Variants in FGGY observed in about 807,000 individuals in gnomAD.
FGGY encodes the protein FGGY carbohydrate kinase domain-containing protein.
A neutral mutation model predicts 71.3 loss-of-function variants in FGGY; 72 were observed. The observed-to-expected ratio is 1.01, with a 90% CI of 0.84 to 1.23. The LOEUF (loss-of-function observed/expected upper bound fraction) is 1.23. Ranked by LOEUF, FGGY falls within the 50% of genes most tolerant of loss-of-function variation. FGGY has a pLI of 0.00. For synonymous variants in FGGY, 251 were observed against 250.3 expected, an observed-to-expected ratio of 1.00 and a Z score of -0.02; for missense variants, 668 against 682.3, an observed-to-expected ratio of 0.98 and a Z score of 0.23.
At chr1:59,743,406 A>G (rs1157447968) in intron 14 of FGGY, among the ~76,000 whole-genome samples, 1 of 152,206 alleles carries the variant, frequency 6.6e-6, no homozygotes, top group Non-Finnish European at 1.5e-5. Flanking sequence ...CTCTATCCAT[A>G]TTGTGTAGCA....
chr1:59,618,905 T>C (rs1409166466), intron 9 of FGGY, among the ~76,000 whole-genome samples: 1 of 152,090 alleles, frequency 6.6e-6, no homozygotes, highest in Non-Finnish European at 1.5e-5. Context: ...CCACTAATTA[T>C]AATTACTTCA....
intron 5 of FGGY, among the ~76,000 whole-genome samples, chr1:59,399,550 C>T (rs2061697050): frequency 6.6e-6 from 1 of 152,102 alleles, no homozygotes; most frequent in Admixed American, 6.6e-5. Flanking sequence ...TTCCCCTGAA[C>T]CACAGTTTCA....
intron 9 of FGGY, among the ~76,000 whole-genome samples, chr1:59,625,397 G>A (rs938018021): frequency 6.6e-5 from 10 of 152,148 alleles, no homozygotes; most frequent in Non-Finnish European, 1.2e-4. Flanking sequence ...GGAGAGCTGT[G>A]TTTCCCATGT....
chr1:59,586,936 G>A (rs980590506), intron 8 of FGGY, among the ~76,000 whole-genome samples: 4 of 152,212 alleles, frequency 2.6e-5, no homozygotes, highest in African/African-American at 4.8e-5. Flanking sequence ...GTGCCAGACA[G>A]TGGGCGCAGG....
At chr1:59,635,111 C>A (rs2096944017) in intron 10 of FGGY, among the ~76,000 whole-genome samples, 1 of 152,100 alleles carries the variant, frequency 6.6e-6, no homozygotes, top group Admixed American at 6.6e-5. Context: ...TGCAAAATGA[C>A]ACAAAGTCAG....
At chr1:59,371,326 G>A (rs1440321600) in intron 4 of FGGY, among the ~76,000 whole-genome samples, 1 of 152,136 alleles carries the variant, frequency 6.6e-6, no homozygotes, top group Non-Finnish European at 1.5e-5. Flanking sequence ...TTACATAATG[G>A]TAAAGGGATC....
chr1:59,438,374 T>A (rs2068982053), intron 5 of FGGY, among the ~76,000 whole-genome samples: 1 of 152,218 alleles, frequency 6.6e-6, no homozygotes, highest in African/African-American at 2.4e-5. Flanking sequence ...CTTCTTTGTT[T>A]CAATATACAA....
intron 9 of FGGY, among the ~76,000 whole-genome samples, chr1:59,614,079 A>G (rs1398184990): frequency 1.3e-5 from 2 of 152,178 alleles, no homozygotes; most frequent in Non-Finnish European, 2.9e-5. Context: ...ACAAGGAGGA[A>G]CTGGTACCAC....
chr1:59,669,518 T>G (rs1185645601), intron 13 of FGGY, among the ~76,000 whole-genome samples: 4 of 151,486 alleles, frequency 2.6e-5, no homozygotes, highest in Non-Finnish European at 5.9e-5. Flanking sequence ...ATTTGATCTG[T>G]GACATTCCAA....
chr1:59,306,547 T>C (rs965647237), intron 1 of FGGY, among the ~76,000 whole-genome samples: 2 of 152,148 alleles, frequency 1.3e-5, no homozygotes, highest in African/African-American at 4.8e-5. Context: ...AGAGGATCTG[T>C]TATTTTAGCC....
chr1:59,561,156 G>T (rs2095787447), intron 8 of FGGY, among the ~76,000 whole-genome samples: 1 of 152,204 alleles, frequency 6.6e-6, no homozygotes, highest in African/African-American at 2.4e-5. Flanking sequence ...TTTAACAAGT[G>T]ACATTGGCAG....
At chr1:59,670,523 C>T (rs2097368346) in intron 13 of FGGY, among the ~76,000 whole-genome samples, 1 of 152,208 alleles carries the variant, frequency 6.6e-6, no homozygotes, top group Non-Finnish European at 1.5e-5. Flanking sequence ...CTCTGAGCCT[C>T]AGTTCCCTCT....
At chr1:59,314,366 A>G (rs1294378666) in intron 1 of FGGY, among the ~76,000 whole-genome samples, 1 of 152,128 alleles carries the variant, frequency 6.6e-6, no homozygotes, top group Non-Finnish European at 1.5e-5. Context: ...AAGGCTGTAG[A>G]GTGTCTTTGG....
chr1:59,568,864 A>C (rs2095928108), intron 8 of FGGY, among the ~76,000 whole-genome samples: 2 of 152,194 alleles, frequency 1.3e-5, no homozygotes, highest in South Asian at 4.1e-4. Context: ...CACATAGTTT[A>C]TAATTAAGTT....
At chr1:59,372,469 C>T (rs2057845090) in intron 4 of FGGY, among the ~76,000 whole-genome samples, 1 of 152,202 alleles carries the variant, frequency 6.6e-6, no homozygotes. Context: ...CAGCCGAATT[C>T]TACCAGAGGT....
At chr1:59,721,995 T>C (rs956232588) in intron 14 of FGGY, among the ~76,000 whole-genome samples, 3 of 152,218 alleles carry the variant, frequency 2.0e-5, no homozygotes, top group African/African-American at 7.2e-5. Context: ...TTATGCAGAT[T>C]TCCTTAGATT....
chr1:59,555,180 AG>A (rs1293739569), intron 8 of FGGY, among the ~76,000 whole-genome samples: 2 of 152,338 alleles, frequency 1.3e-5, no homozygotes, highest in East Asian at 3.9e-4. Context: ...CAGTGGGATG[AG>A]ATGAAGTTAT....
intron 6 of FGGY, among the ~76,000 whole-genome samples, chr1:59,505,005 G>C (rs1237014315): frequency 6.6e-6 from 1 of 152,192 alleles, no homozygotes; most frequent in African/African-American, 2.4e-5. Context: ...TGTCTAGTGG[G>C]AAAGAGAGAT....
At chr1:59,503,323 G>A (rs2094284874) in intron 6 of FGGY, among the ~76,000 whole-genome samples, 1 of 151,794 alleles carries the variant, frequency 6.6e-6, no homozygotes, top group African/African-American at 2.4e-5. Flanking sequence ...TTGATAAATG[G>A]GCACTATTAC....
Sources: gnomAD v4.1 joint callset for allele counts (sites outside exome capture counted in the v4.1 genomes callset) on GRCh38, gnomAD v4.1.1 for gene constraint, MANE v1.5 for transcripts, NCBI Gene and HGNC (gene_info 2026-07-23, HGNC 2026-07-21) for gene names.